The following BBX variants were observed in gnomAD, a reference collection of about 807,000 sequenced individuals.
BBX encodes the protein BBX high mobility group box domain containing.
BBX carries 30 observed loss-of-function variants against 100.2 expected under a neutral mutation model. That is an observed-to-expected ratio of 0.30 (90% CI 0.22 to 0.41). The LOEUF (loss-of-function observed/expected upper bound fraction) is 0.41. Among genes scored for constraint, BBX ranks in the 10% least tolerant of loss-of-function variants. The pLI, the probability that BBX is intolerant of heterozygous loss-of-function variation, is 1.00. For synonymous variants in BBX, 376 were observed against 388.1 expected, an observed-to-expected ratio of 0.97 and a Z score of 0.37; for missense variants, 1,023 against 1,129.8, an observed-to-expected ratio of 0.91 and a Z score of 1.35.
chr3:107,733,163 TTC>T, intron 7 of BBX, 140 bp downstream of exon 7: 3 of 752,668 alleles, frequency 4.0e-6, no homozygotes, highest in Admixed American at 2.9e-5. Flanking sequence ...TTTAAGATCT[TTC>T]TGTGTGTCTT....
At chr3:107,523,239 GGCGGCGGCA>G in intron 1 of BBX, 132 bp downstream of exon 1, 1 of 225,544 alleles carries the variant, frequency 4.4e-6, no homozygotes, top group Non-Finnish European at 9.0e-6. Flanking sequence ...CGGCGGCGGC[GGCGGCGGCA>G]GCCGGTAGGG....
intron 2 of BBX, among the ~76,000 whole-genome samples, chr3:107,607,096 A>G (rs982750407): frequency 6.6e-6 from 1 of 151,900 alleles, no homozygotes; most frequent in African/African-American, 2.4e-5. Flanking sequence ...AAATAACAAG[A>G]TCTTATTCTT....
At chr3:107,567,431 G>C (rs778137928) in intron 2 of BBX, among the ~76,000 whole-genome samples, 1 of 152,018 alleles carries the variant, frequency 6.6e-6, no homozygotes, top group African/African-American at 2.4e-5. Context: ...ATATTGTTAA[G>C]TATATAGATA....
chr3:107,611,005 T>G (rs1348352881), intron 2 of BBX, among the ~76,000 whole-genome samples: 1 of 152,108 alleles, frequency 6.6e-6, no homozygotes, highest in East Asian at 1.9e-4. Context: ...TTGTTTTTTA[T>G]TTTTTGTTCA....
chr3:107,754,149 T>A (rs2065288066), intron 9 of BBX, among the ~76,000 whole-genome samples: 1 of 152,170 alleles, frequency 6.6e-6, no homozygotes, highest in African/African-American at 2.4e-5. Flanking sequence ...CATGCCTGTG[T>A]GGCACAAAGG....
intron 2 of BBX, among the ~76,000 whole-genome samples, chr3:107,621,263 T>G (rs2055744542): frequency 6.6e-6 from 1 of 152,200 alleles, no homozygotes; most frequent in Non-Finnish European, 1.5e-5. Flanking sequence ...GCCAGCTTCT[T>G]CAGTTCGAAG....
intron 2 of BBX, among the ~76,000 whole-genome samples, chr3:107,636,744 A>T (rs1246633982): frequency 6.6e-6 from 1 of 152,160 alleles, no homozygotes; most frequent in African/African-American, 2.4e-5. Context: ...TGCTATTTTG[A>T]ATTGGCTTAA....
chr3:107,606,234 A>G (rs2054426848), intron 2 of BBX, among the ~76,000 whole-genome samples: 1 of 152,238 alleles, frequency 6.6e-6, no homozygotes, highest in South Asian at 2.1e-4. Flanking sequence ...TGCTTATCCT[A>G]ATATATGGTA....
chr3:107,610,533 G>A (rs1272823437), intron 2 of BBX, among the ~76,000 whole-genome samples: 1 of 151,910 alleles, frequency 6.6e-6, no homozygotes, highest in Admixed American at 6.5e-5. Flanking sequence ...CCAGTGTTGG[G>A]TGCATATGTA....
At chr3:107,600,283 A>G (rs1361739994) in intron 2 of BBX, among the ~76,000 whole-genome samples, 2 of 152,222 alleles carry the variant, frequency 1.3e-5, no homozygotes, top group African/African-American at 4.8e-5. Context: ...GGAGAACTGT[A>G]TATTGGTTAC....
intron 2 of BBX, among the ~76,000 whole-genome samples, chr3:107,538,718 A>G (rs551909943): frequency 6.6e-6 from 1 of 152,316 alleles, no homozygotes; most frequent in African/African-American, 2.4e-5. Flanking sequence ...TCAATGGTCT[A>G]TAAAGTATAC....
chr3:107,705,724 C>G (rs1238231669), intron 3 of BBX, among the ~76,000 whole-genome samples: 1 of 152,174 alleles, frequency 6.6e-6, no homozygotes, highest in Non-Finnish European at 1.5e-5. Context: ...GATTTGCCAA[C>G]AGTGAACGAG....
intron 2 of BBX, among the ~76,000 whole-genome samples, chr3:107,542,120 T>C (rs1311446130): frequency 1.3e-5 from 2 of 152,244 alleles, no homozygotes; most frequent in Non-Finnish European, 2.9e-5. Context: ...GGATCAATTA[T>C]TCAATTAATA....
intron 2 of BBX, among the ~76,000 whole-genome samples, chr3:107,619,309 A>G (rs1373507453): frequency 1.3e-5 from 2 of 152,074 alleles, no homozygotes; most frequent in African/African-American, 4.8e-5. Context: ...GCATATAGTT[A>G]GATCATTTTT....
At chr3:107,630,470 TTAC>T (rs1205393333) in intron 2 of BBX, among the ~76,000 whole-genome samples, 1 of 152,206 alleles carries the variant, frequency 6.6e-6, no homozygotes, top group Non-Finnish European at 1.5e-5. Flanking sequence ...TATTTTGGAC[TTAC>T]ATTTCTGGGG....
chr3:107,690,103 C>T (rs563040753), intron 3 of BBX, among the ~76,000 whole-genome samples: 1 of 152,004 alleles, frequency 6.6e-6, no homozygotes, highest in African/African-American at 2.4e-5. Context: ...ATATTTGGAA[C>T]TTATTAATGA....
chr3:107,645,591 C>A (rs2057468613), intron 2 of BBX, among the ~76,000 whole-genome samples: 1 of 152,108 alleles, frequency 6.6e-6, no homozygotes, highest in Non-Finnish European at 1.5e-5. Context: ...GTATGTGTAA[C>A]CTTAATCTCA....
rs1403217689 is a variant in BBX, at chr3:107,772,788, T to C, written c.1067T>C (p.Phe356Ser). The C allele has an allele frequency of 6.2e-7, 1 of 1,613,218 alleles. No homozygotes were observed. Among genetic ancestry groups the C allele is most frequent in the Admixed American group, 1.7e-5 (1 of 59,950 alleles). The change falls in exon 11 of 18, where the codon TTT becomes TCT. Residue 356 changes from phenylalanine to serine, a missense_variant. Transcript: ENST00000325805. ...ACTAGGTTACAGAAGGAAGCAGAATTTGAAAAATCGGCTAAGGAAAATTTA... is the reference window on the plus strand; with the variant it reads ...ACTAGGTTACAGAAGGAAGCAGAATCTGAAAAATCGGCTAAGGAAAATTTA... ...DETRLQKEAE[F>S]EKSAKENLRD...
chr3:107,613,639 A>C (rs1056456956), intron 2 of BBX, among the ~76,000 whole-genome samples: 3 of 152,036 alleles, frequency 2.0e-5, no homozygotes, highest in Non-Finnish European at 4.4e-5. Context: ...CAGAGATAGG[A>C]TATCAGGGGA....
Sources: gnomAD v4.1 joint callset for allele counts (sites outside exome capture counted in the v4.1 genomes callset) on GRCh38, gnomAD v4.1.1 for gene constraint, MANE v1.5 for transcripts, NCBI Gene and HGNC (gene_info 2026-07-23, HGNC 2026-07-21) for gene names.